Variants in VPS13B observed in about 807,000 individuals in gnomAD.
The protein encoded by VPS13B is intermembrane lipid transfer protein VPS13B.
VPS13B carries 285 observed loss-of-function variants against 426.4 expected under a neutral mutation model. The ratio of observed to expected loss-of-function variants is 0.67; its 90% CI spans 0.61 to 0.74. The LOEUF (loss-of-function observed/expected upper bound fraction) is 0.74. Ranked by LOEUF, VPS13B falls within the 30% of genes least tolerant of loss-of-function variation. The pLI, the probability that VPS13B is intolerant of heterozygous loss-of-function variation, is 0.00. For synonymous variants in VPS13B, 1,676 were observed against 1,676.4 expected, an observed-to-expected ratio of 1.00 and a Z score of 0.01; for missense variants, 4,537 against 4,782.6, an observed-to-expected ratio of 0.95 and a Z score of 1.51.
chr8:99,230,172 G>A (rs1816246045), intron 17 of VPS13B, among the ~76,000 whole-genome samples: 1 of 152,046 alleles, frequency 6.6e-6, no homozygotes. Flanking sequence ...TATACATGTT[G>A]GGGTTTTTTT....
intron 12 of VPS13B, among the ~76,000 whole-genome samples, chr8:99,137,250 C>G (rs1440044221): frequency 6.7e-6 from 1 of 148,450 alleles, no homozygotes; most frequent in Non-Finnish European, 1.5e-5. Context: ...CATTTCAACA[C>G]TTTTTTTTTT....
intron 31 of VPS13B, among the ~76,000 whole-genome samples, chr8:99,557,431 A>C (rs1824647714): frequency 6.6e-6 from 1 of 152,096 alleles, no homozygotes; most frequent in South Asian, 2.1e-4. Flanking sequence ...CCCTTAGAAT[A>C]ATGGCCACCA....
At chr8:99,148,151 G>C (rs1810848442) in intron 14 of VPS13B, 141 bp downstream of exon 14, 1 of 916,366 alleles carries the variant, frequency 1.1e-6, no homozygotes, top group Admixed American at 2.2e-5. Context: ...GCTGGGGCAG[G>C]ATGCACACTT....
intron 3 of VPS13B, among the ~76,000 whole-genome samples, chr8:99,082,403 T>G (rs1845533701): frequency 1.3e-5 from 2 of 152,322 alleles, no homozygotes; most frequent in Admixed American, 1.3e-4. Context: ...TTTCTCCCAT[T>G]CTGTAGGATG....
chr8:99,796,476 A>C (rs189338155), intron 43 of VPS13B: 3 of 152,316 alleles, frequency 2.0e-5, no homozygotes, highest in African/African-American at 7.2e-5. Flanking sequence ...ATGATCCAGA[A>C]GAGAGAATGA....
chr8:99,789,491 T>A (rs1406590500), intron 43 of VPS13B, among the ~76,000 whole-genome samples: 3 of 152,138 alleles, frequency 2.0e-5, no homozygotes, highest in Non-Finnish European at 2.9e-5. Context: ...GGTACTTTAT[T>A]TCTAGAAAGC....
chr8:99,410,419 G>A (rs1317438459), intron 21 of VPS13B, among the ~76,000 whole-genome samples: 1 of 152,012 alleles, frequency 6.6e-6, no homozygotes, highest in Non-Finnish European at 1.5e-5. Context: ...CTGTCTGCTA[G>A]TCCTTCTGTC....
At chr8:99,817,937 A>G in intron 45 of VPS13B, 134 bp downstream of exon 45, 2 of 1,324,336 alleles carry the variant, frequency 1.5e-6, no homozygotes, top group Admixed American at 2.0e-5. Flanking sequence ...TTTGAATAGT[A>G]CTTCTCAAAC....
intron 17 of VPS13B, chr8:99,233,857 C>G: frequency 1.3e-6 from 1 of 779,870 alleles, no homozygotes; most frequent in South Asian, 1.3e-5. Flanking sequence ...CTGCCTCTTT[C>G]TGCATGCTTT....
chr8:99,050,934 T>G (rs1289300538), intron 3 of VPS13B, among the ~76,000 whole-genome samples: 2 of 152,314 alleles, frequency 1.3e-5, no homozygotes, highest in Admixed American at 1.3e-4. Flanking sequence ...ATATTAGCCC[T>G]TTGTCAGATG....
At chr8:99,402,042 A>G (rs1815066291) in intron 21 of VPS13B, among the ~76,000 whole-genome samples, 1 of 152,056 alleles carries the variant, frequency 6.6e-6, no homozygotes, top group African/African-American at 2.4e-5. Context: ...TTGTGTTGGA[A>G]TGTTATTATC....
chr8:99,431,510 T>G, intron 21 of VPS13B, 27 bp from the exon 22 acceptor site: 1 of 1,612,010 alleles, frequency 6.2e-7, no homozygotes, highest in Non-Finnish European at 8.5e-7. Context: ...ATGTTTCTAT[T>G]AAATAATTAG....
chr8:99,572,571 G>A (rs1825535914), intron 31 of VPS13B, among the ~76,000 whole-genome samples: 1 of 151,264 alleles, frequency 6.6e-6, no homozygotes, highest in Non-Finnish European at 1.5e-5. Flanking sequence ...TTTTGTTCTT[G>A]CAATAGTTTG....
Position 99,431,660 on chromosome 8 carries a change from T to A in VPS13B, c.3206T>A (p.Leu1069Gln), listed in dbSNP as rs1435744031. The A allele has an allele frequency of 6.2e-7, 1 of 1,612,794 alleles. No individual in the cohort carries two copies. Among genetic ancestry groups the A allele is most frequent in the Non-Finnish European group, 8.5e-7 (1 of 1,179,446 alleles). Reference sequence around the variant, plus strand: ...TGGAATGCAGTGAAGCATCTCACACTACAGGTAAAATAAAAGTTAGAAATA... The same window carrying A: ...TGGAATGCAGTGAAGCATCTCACACAACAGGTAAAATAAAAGTTAGAAATA... The part of the protein sequence containing the change: ...IVWNAVKHLT[L>Q]QLEVQSCCVF... Residue 1069 changes from leucine (L) to glutamine (Q), a missense_variant, in exon 22 of 62, where the codon CTA (leucine) becomes CAA (glutamine). This residue lies in a region of VPS13B where 4,311 missense variants were observed against 4,474.3 expected (regional missense o/e 0.96). Transcript: ENST00000357162.
chr8:99,331,007 T>C (rs546483332), intron 19 of VPS13B, among the ~76,000 whole-genome samples: 1 of 151,980 alleles, frequency 6.6e-6, no homozygotes, highest in Non-Finnish European at 1.5e-5. Flanking sequence ...CATTCTCATA[T>C]ACATTAAAAT....
chr8:99,723,172 G>A (rs1833200010), intron 39 of VPS13B, among the ~76,000 whole-genome samples: 1 of 152,112 alleles, frequency 6.6e-6, no homozygotes, highest in Non-Finnish European at 1.5e-5. Flanking sequence ...CACTCAGGTT[G>A]GATTTTTGTT....
chr8:99,655,169 T>A (rs931826328), intron 34 of VPS13B, among the ~76,000 whole-genome samples: 3 of 152,184 alleles, frequency 2.0e-5, no homozygotes, highest in Non-Finnish European at 4.4e-5. Context: ...TGGAAAGCAG[T>A]CTATTTTGGC....
intron 3 of VPS13B, chr8:99,091,716 G>C (rs1343777178): frequency 6.6e-6 from 1 of 152,154 alleles, no homozygotes; most frequent in East Asian, 1.9e-4. Flanking sequence ...GAAGTGTGCA[G>C]TATTACTCTC....
At chr8:99,490,432 G>C (rs56193096) in intron 25 of VPS13B, among the ~76,000 whole-genome samples, 39,976 of 152,048 alleles carry the variant, frequency 0.26, 5,998 homozygotes, top group East Asian at 0.44. Flanking sequence ...AGTTAGGGAG[G>C]ATTCCCTCTT....
Sources: gnomAD v4.1 joint callset for allele counts (sites outside exome capture counted in the v4.1 genomes callset) on GRCh38, gnomAD v4.1.1 for gene constraint, gnomAD v4.1.1 regional missense constraint, MANE v1.5 for transcripts, NCBI Gene and HGNC (gene_info 2026-07-23, HGNC 2026-07-21) for gene names.